Variants in DPYSL5 observed in about 807,000 individuals in gnomAD.
DPYSL5 encodes the protein dihydropyrimidinase like 5, also known as dihydropyrimidinase-related protein 5.
DPYSL5 carries 9 observed loss-of-function variants against 58.4 expected under a neutral mutation model. That is an observed-to-expected ratio of 0.15 (90% CI 0.09 to 0.27). DPYSL5 has a LOEUF of 0.27. Ranked by LOEUF, DPYSL5 falls within the 10% of genes least tolerant of loss-of-function variation. DPYSL5 has a pLI of 1.00. For missense variants in DPYSL5, 499 were observed against 770.6 expected (o/e 0.65, Z 4.17); for synonymous variants, 293 against 301.9 (o/e 0.97, Z 0.31).
chr2:26,889,533 G>A (rs1663816392), intron 1 of DPYSL5, among the ~76,000 whole-genome samples: 1 of 151,916 alleles, frequency 6.6e-6, no homozygotes. Context: ...GCCTCCCAAA[G>A]TGCTGGGATT....
Position 26,898,857 on chromosome 2 carries a change from C to T in DPYSL5, c.261+97C>T. ...TAGACTCATGTGAGCCAGGTGCTCC[C>T]AGTGTATTGCTGGCAGGAGAAGGGT... On this transcript the variant is annotated intron_variant, in intron 2 of 12. Transcript: ENST00000288699. This position sits in a 1 kb window ranked among gnomAD's most constrained non-coding sequence, Gnocchi z 6.1. The T allele has an allele frequency of 6.9e-7, 1 of 1,440,250 alleles. No homozygotes were observed. Among genetic ancestry groups the T allele is most frequent in the South Asian group, 1.4e-5 (1 of 70,694 alleles). The allele number at this position is 1,440,250 out of a possible 1,614,324, so 89.2% of individuals were successfully genotyped here.
At chr2:26,883,272 T>A (rs1663620642) in intron 1 of DPYSL5, among the ~76,000 whole-genome samples, 2 of 152,206 alleles carry the variant, frequency 1.3e-5, no homozygotes, top group Admixed American at 1.3e-4. Context: ...TTTCTGATTA[T>A]CATTTCCTTG....
chr2:26,863,076 A>G (rs1572673213), intron 1 of DPYSL5, among the ~76,000 whole-genome samples: 2 of 151,916 alleles, frequency 1.3e-5, no homozygotes, highest in Non-Finnish European at 2.9e-5. Context: ...CCTTTCCCCC[A>G]CCACCCACCT....
chr2:26,923,953 C>G (rs953089627), intron 2 of DPYSL5, among the ~76,000 whole-genome samples: 3 of 152,204 alleles, frequency 2.0e-5, no homozygotes, highest in African/African-American at 7.2e-5. Context: ...AGCCACTGCA[C>G]CCACTCTCAC....
At position 26,947,040 on chromosome 2, in the gene DPYSL5, G is replaced by A. The variant is rs1270287226; in HGVS notation, c.*45G>A. 4.0e-6 allele frequency: 6 copies of A among 1,487,880 alleles called. No homozygotes were observed. The South Asian group carries it at 7.0e-5, about 17-fold the overall frequency. The allele number at this position is 1,487,880 out of a possible 1,614,324, so 92.2% of individuals were successfully genotyped here. A position where few individuals can be genotyped will look rare whatever the true frequency, so the allele number is the denominator to read the frequency against. On this transcript the variant is annotated 3_prime_UTR_variant, in exon 13 of 13. Coordinates refer to ENST00000288699, the MANE Select transcript of DPYSL5 (RefSeq NM_020134.4). The surrounding 1 kb of genome is among the most constrained non-coding windows in gnomAD (Gnocchi z 4.2). Reference sequence around the variant, plus strand: ...GAGTGAGGACGCACCGCCGCCACCAGCCCGCAACTCTCCAGCCGAAGCTGC... The same window carrying A: ...GAGTGAGGACGCACCGCCGCCACCAACCCGCAACTCTCCAGCCGAAGCTGC...
Position 26,898,148 on chromosome 2 carries a change from C to T in DPYSL5, c.-4-348C>T, listed in dbSNP as rs879595476. Among the ~76,000 whole-genome samples, 1 of 151,990 alleles carries T rather than the reference C, an allele frequency of 6.6e-6. No individual in the cohort carries two copies. Reference sequence around the variant, plus strand: ...TTCAGCTTTCTCATCTGTAAAATGCCTTGGGTTGTTTTGGGGATAGTAGAG... The same window carrying T: ...TTCAGCTTTCTCATCTGTAAAATGCTTTGGGTTGTTTTGGGGATAGTAGAG... On this transcript the variant is annotated intron_variant, in intron 1 of 12. Transcript: ENST00000288699. This position sits in a 1 kb window ranked among gnomAD's most constrained non-coding sequence, Gnocchi z 6.1.
intron 1 of DPYSL5, among the ~76,000 whole-genome samples, chr2:26,894,420 C>A (rs1483149985): frequency 6.6e-6 from 1 of 152,188 alleles, no homozygotes; most frequent in African/African-American, 2.4e-5. Context: ...CTCCTACAAG[C>A]CTTTGACTTT....
chr2:26,947,100 C>A lies in DPYSL5; in HGVS notation c.*105C>A. The A allele has an allele frequency of 9.8e-7, 1 of 1,021,140 alleles. No individual in the cohort carries two copies. The highest frequency in any genetic ancestry group is 2.3e-5 in the Admixed American group (1 of 44,070). 63.3% of individuals were successfully genotyped at this position (1,021,140 alleles called of 1,614,324 possible). The stretch of plus-strand genomic sequence containing the variant: ...AGAGGCTGGGCTGGGTGGCACACCA[C>A]CCGAGGGGGGCCCCGGGACCCACGG... On this transcript the variant is annotated 3_prime_UTR_variant, in exon 13 of 13. Coordinates refer to ENST00000288699, the MANE Select transcript of DPYSL5 (RefSeq NM_020134.4). The surrounding 1 kb of genome is among the most constrained non-coding windows in gnomAD (Gnocchi z 4.2).
At chr2:26,932,191 G>GA (rs1196222627) in intron 6 of DPYSL5, among the ~76,000 whole-genome samples, 1 of 80,222 alleles carries the variant, frequency 1.2e-5, no homozygotes, top group African/African-American at 4.6e-5. Context: ...AAGAAAGAAA[G>GA]AAAGAAAGAA....
intron 1 of DPYSL5, among the ~76,000 whole-genome samples, chr2:26,873,925 A>C (rs1190649044): frequency 1.3e-5 from 2 of 152,190 alleles, no homozygotes; most frequent in African/African-American, 4.8e-5. Context: ...ACAAATTGAC[A>C]CATAAAATTA....
intron 12 of DPYSL5, among the ~76,000 whole-genome samples, chr2:26,945,946 C>T (rs922885014): frequency 1.3e-5 from 2 of 152,170 alleles, no homozygotes; most frequent in African/African-American, 4.8e-5. Context: ...AGATGAGGTC[C>T]CTGTTGGAGG....
chr2:26,871,919 GTAT>G (rs1396924343), intron 1 of DPYSL5, among the ~76,000 whole-genome samples: 1 of 152,106 alleles, frequency 6.6e-6, no homozygotes, highest in African/African-American at 2.4e-5. Flanking sequence ...AAAGCCAACA[GTAT>G]TATTAAATTC....
intron 2 of DPYSL5, among the ~76,000 whole-genome samples, chr2:26,907,255 C>T (rs1265015219): frequency 1.3e-5 from 2 of 152,072 alleles, no homozygotes; most frequent in African/African-American, 4.8e-5. Context: ...ACTGGGAATA[C>T]AGGCGCCCGC....
chr2:26,887,726 T>G (rs1228089614), intron 1 of DPYSL5, among the ~76,000 whole-genome samples: 1 of 148,046 alleles, frequency 6.8e-6, no homozygotes, highest in Non-Finnish European at 1.5e-5. Flanking sequence ...TAATTGTTAC[T>G]ATTTTAAACA....
intron 1 of DPYSL5, among the ~76,000 whole-genome samples, chr2:26,886,190 C>A (rs1415219636): frequency 6.6e-6 from 1 of 152,166 alleles, no homozygotes; most frequent in Non-Finnish European, 1.5e-5. Context: ...GATTGGATGT[C>A]GGGAGAAGTA....
At chr2:26,850,104 G>T (rs1665713786) in intron 1 of DPYSL5, among the ~76,000 whole-genome samples, 2 of 152,228 alleles carry the variant, frequency 1.3e-5, no homozygotes, top group African/African-American at 4.8e-5. Flanking sequence ...GTAAGGGCTG[G>T]TGCGGATTGT....
rs796227927 is a variant in DPYSL5, at chr2:26,888,255, T to TTCTTTCTTTCTGTCTTTCTTTCTG, written c.-4-10229_-4-10206dup. 1.3e-3 allele frequency among the ~76,000 whole-genome samples: 141 copies of TTCTTTCTTTCTGTCTTTCTTTCTG among 108,234 alleles called. 1 individual carries two copies. The highest frequency in any genetic ancestry group is 4.7e-3 in the African/African-American group (103 of 21,718). The allele number at this position is 108,234 out of a possible 152,430, so 71.0% of individuals were successfully genotyped here. On this transcript the variant is annotated intron_variant, in intron 1 of 12. Transcript: ENST00000288699. ...TTTCTTTCTTTCTTTCTTTCTTTCT[T>TTCTTTCTTTCTGTCTTTCTTTCTG]TCTTTCTTTCTGTCTTTCTTTCTGT...
In DPYSL5 at chr2:26,849,093, G is replaced by A. The variant is rs897929763; in HGVS notation, c.-5+839G>A. On this transcript the variant is annotated intron_variant, in intron 1 of 12. Transcript: ENST00000288699. The surrounding 1 kb of genome is among the most constrained non-coding windows in gnomAD (Gnocchi z 6.2). Reference sequence around the variant, plus strand: ...GGGGAGCTGGGTTAGGACAGGTAGTGGGTCTCGGGGAGCAGGGAGTGGGAA... The same window carrying A: ...GGGGAGCTGGGTTAGGACAGGTAGTAGGTCTCGGGGAGCAGGGAGTGGGAA... 6.6e-6 allele frequency among the ~76,000 whole-genome samples: 1 copy of A among 151,604 alleles called. No homozygotes were observed. The highest frequency in any genetic ancestry group is 1.5e-5 in the Non-Finnish European group (1 of 67,840).
rs1664868177 is a variant in DPYSL5 at position 26,927,962 on chromosome 2, G to C, written c.601-293G>C. Among the ~76,000 whole-genome samples, 1 of 152,200 alleles carries C rather than the reference G, an allele frequency of 6.6e-6. No individual in the cohort carries two copies. The highest frequency in any genetic ancestry group is 6.5e-5 in the Admixed American group (1 of 15,280). Reference sequence around the variant, plus strand: ...GAATTCTGAGTTTGAAATCAGTAAAGAGTGCTTGTCTTTGGTGTCCCAGGC... The same window carrying C: ...GAATTCTGAGTTTGAAATCAGTAAACAGTGCTTGTCTTTGGTGTCCCAGGC... On this transcript the variant is annotated intron_variant, in intron 4 of 12. Transcript: ENST00000288699. This position sits in a 1 kb window ranked among gnomAD's most constrained non-coding sequence, Gnocchi z 4.3.
Sources: allele counts gnomAD v4.1 joint callset (sites outside exome capture counted in the v4.1 genomes callset), GRCh38; gene constraint gnomAD v4.1.1; non-coding constraint Gnocchi (gnomAD v3.1); transcripts MANE v1.5; gene names NCBI Gene and HGNC (gene_info 2026-07-23, HGNC 2026-07-21).